The following LGSN variants were observed in gnomAD, a reference collection of about 807,000 sequenced individuals.
The protein encoded by LGSN is lengsin.
A neutral mutation model predicts 19.5 loss-of-function variants in LGSN; 21 were observed. That is an observed-to-expected ratio of 1.07 (90% confidence interval 0.76 to 1.55). The LOEUF is 1.55. LGSN is among the 40% of genes most tolerant of loss of function. The pLI is 0.00. For synonymous variants in LGSN, 257 were observed against 215.6 expected (o/e 1.19, Z -1.68); for missense variants, 673 against 608.5 (o/e 1.11, Z -1.12).
chr6:63,355,501 A>G, the LGSN span, among the ~76,000 whole-genome samples: 1 of 152,226 alleles, frequency 6.6e-6, no homozygotes, highest in African/African-American at 2.4e-5. Flanking sequence ...AACTTAAAAC[A>G]ACAGAAATTT....
At chr6:63,449,535 C>G in the LGSN span, among the ~76,000 whole-genome samples, 1 of 148,528 alleles carries the variant, frequency 6.7e-6, no homozygotes, top group Non-Finnish European at 1.5e-5. Context: ...CAGAGCGAGA[C>G]TCCGTCAAAA....
At chr6:63,321,514 T>A (rs1562023618), upstream of LGSN, among the ~76,000 whole-genome samples, 1 of 152,180 alleles carries the variant, frequency 6.6e-6, no homozygotes, top group Non-Finnish European at 1.5e-5. Flanking sequence ...TTCATCTTCT[T>A]TTCCTTACCT....
chr6:63,569,480 C>T, the LGSN span, among the ~76,000 whole-genome samples: 21 of 152,184 alleles, frequency 1.4e-4, no homozygotes, highest in African/African-American at 5.1e-4. Flanking sequence ...TGGTCTTGAA[C>T]TCCTAACTCC....
chr6:63,324,618 G>A (rs377217773), upstream of LGSN, among the ~76,000 whole-genome samples: 1 of 151,920 alleles, frequency 6.6e-6, no homozygotes, highest in South Asian at 2.1e-4. Context: ...GAGGAACTTT[G>A]GAAACTCTAC....
At chr6:63,525,036 A>T in the LGSN span, among the ~76,000 whole-genome samples, 457 of 152,316 alleles carry the variant, frequency 3.0e-3, 2 homozygotes, top group African/African-American at 0.01. Context: ...TGATTCAGGG[A>T]TTTAGCTTAG....
the LGSN span, among the ~76,000 whole-genome samples, chr6:63,452,398 GCCA>G: frequency 6.6e-6 from 1 of 151,990 alleles, no homozygotes; most frequent in Non-Finnish European, 1.5e-5. Flanking sequence ...ACAGGCATGA[GCCA>G]CCACACCCAG....
chr6:63,481,478 G>T, the LGSN span, among the ~76,000 whole-genome samples: 1 of 151,910 alleles, frequency 6.6e-6, no homozygotes, highest in African/African-American at 2.4e-5. Context: ...GAGTAGCTGG[G>T]GCTACAGGCG....
chr6:63,534,625 T>C, the LGSN span, among the ~76,000 whole-genome samples: 5 of 151,982 alleles, frequency 3.3e-5, no homozygotes, highest in South Asian at 1.0e-3. Flanking sequence ...CCAGGCAACG[T>C]AGCAAGACAC....
At chr6:63,366,070 T>C in the LGSN span, among the ~76,000 whole-genome samples, 2 of 152,100 alleles carry the variant, frequency 1.3e-5, no homozygotes, top group African/African-American at 4.8e-5. Context: ...TTCAACATAG[T>C]GTTGGAAGTT....
At chr6:63,529,865 T>C in the LGSN span, among the ~76,000 whole-genome samples, 1 of 152,150 alleles carries the variant, frequency 6.6e-6, no homozygotes, top group Admixed American at 6.6e-5. Flanking sequence ...AAATTATCAA[T>C]TAGGTGTAAA....
the LGSN span, among the ~76,000 whole-genome samples, chr6:63,555,981 G>A: frequency 2.0e-5 from 3 of 151,648 alleles, no homozygotes; most frequent in South Asian, 2.1e-4. Flanking sequence ...GTGAGCCACC[G>A]TACCTGGCCT....
the LGSN span, among the ~76,000 whole-genome samples, chr6:63,535,015 G>C: frequency 6.2e-4 from 94 of 151,988 alleles, no homozygotes; most frequent in African/African-American, 2.2e-3. Context: ...AGCCAAGATC[G>C]CATCATTGCA....
At chr6:63,413,570 G>C in the LGSN span, among the ~76,000 whole-genome samples, 1 of 152,112 alleles carries the variant, frequency 6.6e-6, no homozygotes, top group Non-Finnish European at 1.5e-5. Context: ...TGTATTTCTA[G>C]CTCTGAGTAG....
Position 63,280,925 on chromosome 6 carries a change from T to A in LGSN, c.626A>T (p.Asp209Val). 6.2e-7 allele frequency: 1 copy of A among 1,613,902 alleles called. No homozygotes were observed. The highest frequency in any genetic ancestry group is 8.5e-7 in the Non-Finnish European group (1 of 1,179,998). The change falls in exon 4 of 4, where the codon GAT becomes GTT. Residue 209 changes from aspartate (D) to valine (V), a missense_variant. Physicochemically the swap from Asp to Val is radical, Grantham distance 152. Transcript: ENST00000370657. ...TTCGGGCACACCAAAAATGCAAAAA[T>A]CATAGATGAAAGCAGAAAGCAGGGA... ...GFSLLSAFIY[D>V]FCIFGVPEIL...
chr6:63,298,580 C>A (rs1225114994), intron 1 of LGSN, among the ~76,000 whole-genome samples: 1 of 152,136 alleles, frequency 6.6e-6, no homozygotes, highest in Non-Finnish European at 1.5e-5. Flanking sequence ...GAGCCAAAAC[C>A]AATTTTCAAT....
the LGSN span, among the ~76,000 whole-genome samples, chr6:63,350,439 T>C: frequency 6.6e-6 from 1 of 152,252 alleles, no homozygotes; most frequent in East Asian, 1.9e-4. Flanking sequence ...CCATAAATTA[T>C]CTCAGTGCAT....
chr6:63,567,248 T>G, the LGSN span, among the ~76,000 whole-genome samples: 1 of 152,250 alleles, frequency 6.6e-6, no homozygotes, highest in African/African-American at 2.4e-5. Context: ...TGGTTTACTT[T>G]GCTTAGATCC....
the LGSN span, among the ~76,000 whole-genome samples, chr6:63,491,631 G>C: frequency 7.2e-5 from 11 of 152,156 alleles, no homozygotes; most frequent in Non-Finnish European, 1.2e-4. Flanking sequence ...TAACTTCCTG[G>C]GTATGGTACA....
the LGSN span, among the ~76,000 whole-genome samples, chr6:63,385,403 C>T: frequency 6.6e-6 from 1 of 152,170 alleles, no homozygotes; most frequent in South Asian, 2.1e-4. Context: ...CTTCAAATGT[C>T]CTCTTATATG....
Sources: allele counts gnomAD v4.1 joint callset (sites outside exome capture counted in the v4.1 genomes callset), GRCh38; gene constraint gnomAD v4.1.1; transcripts MANE v1.5; gene names NCBI Gene and HGNC (gene_info 2026-07-23, HGNC 2026-07-21).